Variants in SLCO3A1 observed in about 807,000 individuals in gnomAD.
SLCO3A1 encodes solute carrier organic anion transporter family member 3A1, also known as PGE1 transporter.
SLCO3A1 carries 27 observed loss-of-function variants against 63.1 expected under a neutral mutation model. That is an observed-to-expected ratio of 0.43 (90% CI 0.32 to 0.59). The LOEUF (loss-of-function observed/expected upper bound fraction) is 0.59. Among genes scored for constraint, SLCO3A1 ranks in the 20% least tolerant of loss-of-function variants. The pLI, the probability that SLCO3A1 is intolerant of heterozygous loss-of-function variation, is 0.09. For synonymous variants in SLCO3A1, 473 were observed against 409.9 expected, an observed-to-expected ratio of 1.15 and a Z score of -1.86; for missense variants, 773 against 945.8, an observed-to-expected ratio of 0.82 and a Z score of 2.40.
rs1206303919 is a variant in SLCO3A1 at position 91,872,206 on chromosome 15, C to T, written c.180+18118C>T. On this transcript the variant is annotated intron_variant, in intron 1 of 9. Coordinates refer to ENST00000318445, the MANE Select transcript of SLCO3A1 (RefSeq NM_013272.4). The surrounding 1 kb of genome is among the most constrained non-coding windows in gnomAD (Gnocchi z 4.1). ...AGTAGATGTCATTATTTCTCTTTTC[C>T]GTATAAGGAAATAGGGCTCACTTCT... is the stretch of plus-strand genomic sequence containing the variant. 2.6e-5 allele frequency among the ~76,000 whole-genome samples: 4 copies of T among 152,036 alleles called. No homozygotes were observed. The highest frequency in any genetic ancestry group is 1.9e-4 in the East Asian group (1 of 5,182).
Position 91,986,590 on chromosome 15 carries a change from TAAAA to T in SLCO3A1, c.646+70144_646+70147del, listed in dbSNP as rs1039807437. 2.1e-5 allele frequency among the ~76,000 whole-genome samples: 3 copies of T among 145,452 alleles called. No homozygotes were observed. In the South Asian group the frequency reaches 6.5e-4, roughly 31 times the overall value. On this transcript the variant is annotated intron_variant, in intron 2 of 9. Transcript: ENST00000318445. ...TACTAGTGAGACGTTTACATTCTTT[TAAAA>T]AAAAAAAAAAACTAGGTTTCAAAAT...
At chr15:92,157,807 G>A (rs2048390726) in intron 9 of SLCO3A1, among the ~76,000 whole-genome samples, 2 of 152,178 alleles carry the variant, frequency 1.3e-5, no homozygotes, top group Admixed American at 1.3e-4. Flanking sequence ...CCCACCCTGT[G>A]AGGGCTTTCT....
intron 2 of SLCO3A1, among the ~76,000 whole-genome samples, chr15:92,019,934 G>C (rs1037245052): frequency 5.9e-5 from 9 of 152,124 alleles, no homozygotes; most frequent in African/African-American, 2.2e-4. Flanking sequence ...CTTCATGTCA[G>C]GGCAGTGAGG....
At chr15:92,054,678 C>T (rs1025235489) in intron 2 of SLCO3A1, among the ~76,000 whole-genome samples, 1 of 151,958 alleles carries the variant, frequency 6.6e-6, no homozygotes, top group Non-Finnish European at 1.5e-5. Flanking sequence ...GTTCAGCTCC[C>T]ATTATGAGTG....
intron 2 of SLCO3A1, among the ~76,000 whole-genome samples, chr15:92,055,552 T>C (rs970443201): frequency 7.9e-5 from 12 of 152,204 alleles, no homozygotes; most frequent in African/African-American, 2.7e-4. Context: ...CATTCTCATA[T>C]TGAGTATTCC....
chr15:91,922,761 C>T (rs1418721683), intron 2 of SLCO3A1, among the ~76,000 whole-genome samples: 5 of 152,166 alleles, frequency 3.3e-5, no homozygotes, highest in African/African-American at 1.2e-4. Context: ...AAGTTTCCTT[C>T]GTTAATTTCT....
rs2048489154 is a variant in SLCO3A1, at chr15:92,165,772, T to C, written c.*2637T>C. ...TTGCCTTTTGTGCTCTAAAGAAGCA[T>C]TGTACATACAACACTAGATCCAGCC... On this transcript the variant is annotated 3_prime_UTR_variant, in exon 10 of 10. Transcript: ENST00000318445. 2.0e-6 allele frequency: 2 copies of C among 985,320 alleles called. No individual in the cohort carries two copies. The highest frequency in any genetic ancestry group is 9.4e-5 in the South Asian group (2 of 21,288). The allele number at this position is 985,320 out of a possible 1,614,324, so 61.0% of individuals were successfully genotyped here. A position where few individuals can be genotyped will look rare whatever the true frequency, so the allele number is the denominator to read the frequency against.
chr15:92,100,873 C>A (rs779980854), intron 3 of SLCO3A1, among the ~76,000 whole-genome samples: 12 of 152,138 alleles, frequency 7.9e-5, no homozygotes, highest in Non-Finnish European at 1.8e-4. Flanking sequence ...CTGTCAGATA[C>A]CATCTTAGGA....
Position 92,163,239 on chromosome 15 carries a change from A to G in SLCO3A1, c.*104A>G, listed in dbSNP as rs993950048. The G allele has an allele frequency of 7.1e-5, 101 of 1,431,386 alleles. No individual in the cohort carries two copies. Among genetic ancestry groups the G allele is most frequent in the Non-Finnish European group, 8.3e-5 (91 of 1,101,160 alleles). The allele number at this position is 1,431,386 out of a possible 1,614,324, so 88.7% of individuals were successfully genotyped here. A position where few individuals can be genotyped will look rare whatever the true frequency, so the allele number is the denominator to read the frequency against. ...AAAAACCAAAACTCAGTACACACAC[A>G]CAGGCACAGATGCACACACACGCAG... On this transcript the variant is annotated 3_prime_UTR_variant, in exon 10 of 10. Transcript: ENST00000318445.
intron 2 of SLCO3A1, among the ~76,000 whole-genome samples, chr15:92,014,430 T>C (rs1358961052): frequency 6.6e-6 from 1 of 152,206 alleles, no homozygotes; most frequent in African/African-American, 2.4e-5. Context: ...TCTAGGCCCG[T>C]ATTTTCAATT....
In SLCO3A1 at chr15:92,001,827, C is replaced by CTT. The variant is rs59951621; in HGVS notation, c.646+85394_646+85395dup. Reference sequence around the variant, plus strand: ...GAAATCCATGGAAGTTGTGTGAGTTCTTTTTTTTTTTTTTTTTTTTTTTTT... The same window carrying CTT: ...GAAATCCATGGAAGTTGTGTGAGTTCTTTTTTTTTTTTTTTTTTTTTTTTTTT... On this transcript the variant is annotated intron_variant, in intron 2 of 9. Coordinates refer to ENST00000318445, the MANE Select transcript of SLCO3A1 (RefSeq NM_013272.4). 9.7e-4 allele frequency among the ~76,000 whole-genome samples: 78 copies of CTT among 80,106 alleles called. 2 individuals are homozygous for CTT. The highest frequency in any genetic ancestry group is 2.2e-3 in the African/African-American group (41 of 18,592). 52.6% of individuals were successfully genotyped at this position (80,106 alleles called of 152,430 possible).
chr15:92,146,009 C>CT (rs1476801817), intron 7 of SLCO3A1, among the ~76,000 whole-genome samples: 1 of 152,076 alleles, frequency 6.6e-6, no homozygotes, highest in Non-Finnish European at 1.5e-5. Context: ...AGGAGGAGAA[C>CT]TGTAAAAGCC....
At chr15:92,095,054 G>C in intron 3 of SLCO3A1, 75 bp downstream of exon 3, 1 of 1,043,260 alleles carries the variant, frequency 9.6e-7, no homozygotes, top group Non-Finnish European at 1.5e-6. Flanking sequence ...TCAGCCTGTG[G>C]GTTCTAAAAC....
chr15:92,105,293 C>A (rs2047654774), intron 4 of SLCO3A1, among the ~76,000 whole-genome samples: 1 of 152,126 alleles, frequency 6.6e-6, no homozygotes, highest in South Asian at 2.1e-4. Flanking sequence ...AAAAAGCCAC[C>A]TTCAAAGTAC....
chr15:92,029,914 C>T (rs1338725835), intron 2 of SLCO3A1, among the ~76,000 whole-genome samples: 1 of 151,982 alleles, frequency 6.6e-6, no homozygotes, highest in Non-Finnish European at 1.5e-5. Flanking sequence ...GTCTGTGAAC[C>T]AAAAGGCCAC....
At chr15:92,051,066 G>A (rs2046951434) in intron 2 of SLCO3A1, among the ~76,000 whole-genome samples, 1 of 152,184 alleles carries the variant, frequency 6.6e-6, no homozygotes, top group Admixed American at 6.5e-5. Context: ...ACATACACCT[G>A]TTGTGTTTTC....
chr15:91,999,501 A>G (rs1237005287), intron 2 of SLCO3A1, among the ~76,000 whole-genome samples: 3 of 152,220 alleles, frequency 2.0e-5, no homozygotes, highest in African/African-American at 7.2e-5. Context: ...AACATGCGCA[A>G]CCTCACTAGT....
chr15:91,988,459 A>G (rs2046083211), intron 2 of SLCO3A1, among the ~76,000 whole-genome samples: 1 of 152,158 alleles, frequency 6.6e-6, no homozygotes, highest in African/African-American at 2.4e-5. Context: ...ATTTTATTTT[A>G]TTTAAAGAAA....
intron 2 of SLCO3A1, among the ~76,000 whole-genome samples, chr15:91,970,159 C>T (rs1460891673): frequency 1.3e-5 from 2 of 152,358 alleles, no homozygotes; most frequent in Non-Finnish European, 2.9e-5. Flanking sequence ...CTTCTCCCCA[C>T]GCTGTTCAAA....
Sources: gnomAD v4.1 joint callset for allele counts (sites outside exome capture counted in the v4.1 genomes callset) on GRCh38, gnomAD v4.1.1 for gene constraint, Gnocchi (gnomAD v3.1) non-coding constraint, MANE v1.5 for transcripts, NCBI Gene and HGNC (gene_info 2026-07-23, HGNC 2026-07-21) for gene names.